The following TLE2 variants were observed in gnomAD, a reference collection of about 807,000 sequenced individuals.
TLE2 encodes the protein TLE family member 2, transcriptional corepressor.
A neutral mutation model predicts 97.2 loss-of-function variants in TLE2; 74 were observed. That is an observed-to-expected ratio of 0.76 (90% CI 0.63 to 0.92). The LOEUF (loss-of-function observed/expected upper bound fraction) is 0.92, where lower values mean the gene tolerates loss of function less well. Among genes scored for constraint, TLE2 ranks in the 40% least tolerant of loss-of-function variants. TLE2 has a pLI of 0.00. For missense variants in TLE2, 1,038 were observed against 1,008.7 expected, an observed-to-expected ratio of 1.03 and a Z score of -0.39; for synonymous variants, 499 against 432.1, an observed-to-expected ratio of 1.15 and a Z score of -1.92.
chr19:3,039,816 G>A lies in TLE2; in HGVS notation c.63+5910C>T, dbSNP rs998378494. ...CAACCTGTAGGGGTCAGCTGAGATC[G>A]CAGAGATCACACTACCTCCAGAGGC... is the stretch of plus-strand genomic sequence containing the variant. On this transcript the variant is annotated intron_variant, in intron 1 of 18. Coordinates refer to the TLE2 transcript ENST00000426948. 1.8e-4 allele frequency among the ~76,000 whole-genome samples: 27 copies of A among 152,306 alleles called. No homozygotes were observed. The East Asian group carries it at 4.1e-3, about 23-fold the overall frequency.
rs1204371998 is a variant in TLE2 at position 2,997,871 on chromosome 19, T to C, written c.2209A>G (p.Thr737Ala). Residue 737 changes from threonine (T) to alanine (A), a missense_variant, in exon 20 of 20, where the codon ACC becomes GCC. Coordinates refer to ENST00000262953, the MANE Select transcript of TLE2 (RefSeq NM_003260.5). ...TCTCAGTAGACCACCTCATACACGG[T>C]GGCCTTCTTGTCCCCCGAGCCTGTC... is the stretch of plus-strand genomic sequence containing the variant. The part of the protein sequence containing the change: ...IVTGSGDKKA[T>A]VYEVVY 6.2e-7 allele frequency: 1 copy of C among 1,611,114 alleles called. No homozygotes were observed.
At chr19:3,032,501 G>A (rs1177680166), upstream of TLE2, among the ~76,000 whole-genome samples, 5 of 152,172 alleles carry the variant, frequency 3.3e-5, no homozygotes, top group Admixed American at 6.6e-5. This position sits in a 1 kb window ranked among gnomAD's most constrained non-coding sequence, Gnocchi z 4.1. Context: ...GCCTCCCAAA[G>A]TGCTGCGATT....
intron 11 of TLE2, among the ~76,000 whole-genome samples, chr19:3,012,620 GCA>G (rs1164644414): frequency 2.0e-5 from 3 of 152,174 alleles, no homozygotes; most frequent in African/African-American, 7.2e-5. Flanking sequence ...AGAGTGCCTA[GCA>G]CACACTGCAA....
At chr19:3,013,948 G>T (rs115991724) in intron 10 of TLE2, 130 bp from the exon 11 acceptor site, 1 of 913,902 alleles carries the variant, frequency 1.1e-6, no homozygotes, top group Non-Finnish European at 1.5e-6. Flanking sequence ...GGAAGATTAT[G>T]AAATCTTCTG....
intron 19 of TLE2, among the ~76,000 whole-genome samples, chr19:2,999,833 G>A (rs1056799033): frequency 6.6e-6 from 1 of 150,448 alleles, no homozygotes; most frequent in East Asian, 2.0e-4. Flanking sequence ...AGGAGTTTGA[G>A]ACCAGCCTAG....
At chr19:3,018,206 A>G (rs1384653684) in intron 7 of TLE2, among the ~76,000 whole-genome samples, 1 of 151,732 alleles carries the variant, frequency 6.6e-6, no homozygotes, top group Non-Finnish European at 1.5e-5. Context: ...GTCACAGTTC[A>G]CTGCAGCCTC....
chr19:3,003,072 C>G (rs111958390), intron 17 of TLE2, among the ~76,000 whole-genome samples: 104 of 151,894 alleles, frequency 6.8e-4, no homozygotes, highest in African/African-American at 2.5e-3. Flanking sequence ...CATTCTCCCT[C>G]TTCAGCACCC....
At chr19:3,033,472 T>C (rs1020226899), upstream of TLE2, among the ~76,000 whole-genome samples, 6 of 152,266 alleles carry the variant, frequency 3.9e-5, no homozygotes, top group African/African-American at 1.4e-4. Context: ...CGGCTAATTT[T>C]TGTATTTTTA....
At position 3,000,722 on chromosome 19, in the gene TLE2, T is replaced by G. The variant is rs1388166740; in HGVS notation, c.2049A>C (p.Gly683=). ...CVLSLKFASC[G]RWFVSTGKDN... is the part of the protein sequence containing the mutation. The stretch of plus-strand genomic sequence containing the variant: ...CCTTCCCGGTGCTCACAAACCACCG[T>G]CCTTGGGGAAGGAGAGCAGCAGGGT... The change falls in exon 19 of 20, where the codon GGA becomes GGC. Residue 683 remains glycine (G), a splice_region_variant and synonymous_variant. Coordinates refer to ENST00000262953, the MANE Select transcript of TLE2 (RefSeq NM_003260.5). 6.3e-7 allele frequency: 1 copy of G among 1,582,150 alleles called. No homozygotes were observed. The highest frequency in any genetic ancestry group is 8.6e-7 in the Non-Finnish European group (1 of 1,164,626).
upstream of TLE2, among the ~76,000 whole-genome samples, chr19:3,046,914 T>TCCTCCTCCCCCTCCTCTCCCTCCC (rs2090145522): frequency 1.9e-5 from 1 of 52,452 alleles, no homozygotes; most frequent in African/African-American, 7.6e-5. Flanking sequence ...CTCCTCCCTC[T>TCCTCCTCCCCCTCCTCTCCCTCCC]CCTCCTCCCC....
At chr19:3,028,831 G>A (rs774637813) in intron 1 of TLE2, 28 bp from the exon 2 acceptor site, 4 of 1,612,060 alleles carry the variant, frequency 2.5e-6, no homozygotes, top group Admixed American at 3.3e-5. Flanking sequence ...GAAACGTCAG[G>A]GTCTGAGTTC....
rs2089530374 is a variant in TLE2 at position 3,008,855 on chromosome 19, A to G, written c.1250+14T>C. 6.5e-7 allele frequency: 1 copy of G among 1,545,706 alleles called. No individual in the cohort carries two copies. The highest frequency in any genetic ancestry group is 1.4e-5 in the African/African-American group (1 of 72,720). ...CCCGGGACCCCAGGCAGGGAGCCCC[A>G]CCCTGGTACTCACGGCTTTCCCCCA... On this transcript the variant is annotated intron_variant, in intron 14 of 19. Coordinates refer to ENST00000262953, the MANE Select transcript of TLE2 (RefSeq NM_003260.5).
chr19:3,001,366 T>C (rs567673368), intron 18 of TLE2, among the ~76,000 whole-genome samples: 2 of 152,118 alleles, frequency 1.3e-5, no homozygotes, highest in South Asian at 4.2e-4. Flanking sequence ...CCTCCCACCG[T>C]GGTCTACCAA....
At chr19:3,006,755 T>G in intron 14 of TLE2, 86 bp from the exon 15 acceptor site, 1 of 1,486,790 alleles carries the variant, frequency 6.7e-7, no homozygotes. Context: ...GCCTTTGTCC[T>G]GCCTGGCACC....
chr19:3,042,899 G>T (rs1164019055), intron 1 of TLE2, among the ~76,000 whole-genome samples: 1 of 152,142 alleles, frequency 6.6e-6, no homozygotes, highest in East Asian at 1.9e-4. Flanking sequence ...CATTACCCAG[G>T]AGAGAAAGTT....
chr19:3,006,653 C>G lies in TLE2; in HGVS notation c.1267G>C (p.Val423Leu). Reference sequence around the variant, plus strand: ...GGCTGCATCTGCCCGTCCGCAGACACGTGGAAGGAGTAGGCCCTGGAGAGA... The same window carrying G: ...GGCTGCATCTGCCCGTCCGCAGACAGGTGGAAGGAGTAGGCCCTGGAGAGA... ...PGGKPAYSFHVSADGQMQPVP... is the reference protein window; with the variant it reads ...PGGKPAYSFHLSADGQMQPVP... The change falls in exon 15 of 20, where the codon GTG becomes CTG. Residue 423 changes from valine (V) to leucine (L), a missense_variant. Val to Leu is a conservative substitution (Grantham distance 32). Coordinates refer to ENST00000262953, the MANE Select transcript of TLE2 (RefSeq NM_003260.5). 6.2e-7 allele frequency: 1 copy of G among 1,604,018 alleles called. No individual in the cohort carries two copies. The highest frequency in any genetic ancestry group is 8.5e-7 in the Non-Finnish European group (1 of 1,174,636).
intron 1 of TLE2, among the ~76,000 whole-genome samples, chr19:3,034,683 G>A (rs2145224518): frequency 6.7e-6 from 1 of 150,268 alleles, no homozygotes; most frequent in Non-Finnish European, 1.5e-5. Context: ...CTCCATACGC[G>A]CGTACACACA....
chr19:3,045,689 G>C (rs1267854483), intron 1 of TLE2: 1 of 427,078 alleles, frequency 2.3e-6, no homozygotes, highest in East Asian at 7.3e-5. Context: ...AAATTAACCA[G>C]GTGTGGTGGC....
intron 1 of TLE2, among the ~76,000 whole-genome samples, chr19:3,036,613 GC>G (rs928448012): frequency 2.6e-5 from 4 of 152,216 alleles, no homozygotes; most frequent in African/African-American, 9.6e-5. Context: ...TTGGCGGTGT[GC>G]CCCCCGGAAA....
Sources: gnomAD v4.1 joint callset for allele counts (sites outside exome capture counted in the v4.1 genomes callset) on GRCh38, gnomAD v4.1.1 for gene constraint, Gnocchi (gnomAD v3.1) non-coding constraint, MANE v1.5 for transcripts, NCBI Gene and HGNC (gene_info 2026-07-23, HGNC 2026-07-21) for gene names.